Variants in C20orf96 observed in about 807,000 individuals in gnomAD.
C20orf96 encodes chromosome 20 open reading frame 96, also known as uncharacterized protein C20orf96.
Under a neutral mutation model 52.6 loss-of-function variants are expected in C20orf96, and 57 were observed. The ratio of observed to expected loss-of-function variants is 1.08; its 90% CI spans 0.88 to 1.35. C20orf96 has a LOEUF of 1.35. Ranked by LOEUF, C20orf96 falls within the 40% of genes most tolerant of loss-of-function variation. C20orf96 has a pLI of 0.00. For missense variants in C20orf96, 478 were observed against 443.6 expected (o/e 1.08, Z -0.70); for synonymous variants, 168 against 157.2 (o/e 1.07, Z -0.51).
chr20:283,443 A>G (rs902447128), intron 4 of C20orf96, among the ~76,000 whole-genome samples: 1 of 152,174 alleles, frequency 6.6e-6, no homozygotes. Context: ...AGCTGGGACT[A>G]CAGGTGCGTG....
chr20:289,754 A>C, intron 2 of C20orf96, 78 bp from the exon 3 acceptor site: 1 of 1,178,306 alleles, frequency 8.5e-7, no homozygotes, highest in Non-Finnish European at 1.3e-6. Context: ...CTGTGACCCC[A>C]AGCAAGTGAC....
intron 3 of C20orf96, among the ~76,000 whole-genome samples, chr20:284,729 C>A (rs576714191): frequency 3.3e-5 from 5 of 152,210 alleles, no homozygotes; most frequent in Admixed American, 3.3e-4. Context: ...TGATGATGGG[C>A]GCCTGTAATC....
chr20:271,325 C>A, intron 10 of C20orf96, 58 bp from the exon 11 acceptor site: 3 of 1,397,420 alleles, frequency 2.1e-6, no homozygotes, highest in Non-Finnish European at 2.9e-6. Flanking sequence ...GTGGGAGCAC[C>A]CACTCAGAGG....
intron 3 of C20orf96, among the ~76,000 whole-genome samples, chr20:287,224 A>G (rs1045904701): frequency 1.3e-5 from 2 of 152,214 alleles, no homozygotes; most frequent in African/African-American, 4.8e-5. Context: ...TGCATGTTTC[A>G]TGTTGTTAGA....
chr20:278,187 C>T, intron 6 of C20orf96, 143 bp downstream of exon 6: 1 of 715,814 alleles, frequency 1.4e-6, no homozygotes, highest in South Asian at 1.6e-5. Flanking sequence ...GCTATTCGCT[C>T]TGTATCTTAG....
At chr20:281,574 C>T (rs1249934786) in intron 4 of C20orf96, among the ~76,000 whole-genome samples, 1 of 152,250 alleles carries the variant, frequency 6.6e-6, no homozygotes, top group Non-Finnish European at 1.5e-5. Context: ...TGCTGATGTG[C>T]TGAGTGCTTG....
At position 290,584 on chromosome 20, in the gene C20orf96, T is replaced by TTTA. The variant is rs3835237; in HGVS notation, c.20+6_20+7insTAA. 0.15 allele frequency: 191,302 copies of TTTA among 1,308,060 alleles called. 6,561 individuals are homozygous for TTTA. Among genetic ancestry groups the TTTA allele is most frequent in the East Asian group, 0.19 (6,856 of 36,094 alleles). 81.0% of individuals were successfully genotyped at this position (1,308,060 alleles called of 1,614,324 possible). ...TCCAATTTTTTTTTTTTTTTTTTTT[T>TTTA]ACCTACTTTTGTAAGACATGCGCCA... On this transcript the variant is annotated splice_region_variant and intron_variant, in intron 1 of 10. Transcript: ENST00000360321.
Position 289,572 on chromosome 20 carries a change from A to G in C20orf96, c.174T>C (p.Thr58=). 1 of 1,613,368 alleles carries G rather than the reference A, an allele frequency of 6.2e-7. No individual in the cohort carries two copies. The highest frequency in any genetic ancestry group is 8.5e-7 in the Non-Finnish European group (1 of 1,179,434). Residue 58 remains threonine, a synonymous_variant, in exon 3 of 11, where the codon ACT becomes ACC. Transcript: ENST00000360321. ...GCCTCCGCCCACCTGGTTGGACCCT[A>G]GTCAAAGTCTTCATTTTGCTTGTAT... ...SLHTSKMKTL[T]RVQPVFHFKP...
intron 1 of C20orf96, 85 bp downstream of exon 1, chr20:290,506 C>T: frequency 6.4e-7 from 1 of 1,569,176 alleles, no homozygotes; most frequent in Non-Finnish European, 8.6e-7. Context: ...GACCTCGAGG[C>T]GAGGGCGGGA....
chr20:273,747 C>T (rs1211532975), intron 10 of C20orf96, among the ~76,000 whole-genome samples: 1 of 151,840 alleles, frequency 6.6e-6, no homozygotes, highest in African/African-American at 2.4e-5. Context: ...CATGGTGGTG[C>T]ACACCTGTAA....
Position 277,348 on chromosome 20 carries a change from T to A in C20orf96, c.601A>T (p.Ile201Phe), listed in dbSNP as rs2012065986. The change falls in exon 7 of 11, where the codon ATT becomes TTT. Residue 201 changes from isoleucine (I) to phenylalanine (F), a missense_variant. Transcript: ENST00000360321. ...EQQAEQLNAK[I>F]EKTQEEVNFL... ...TTCACTTCCTCCTGGGTCTTCTCAA[T>A]CTTGGCATTCAGCTGCTCTGCCTGC... The A allele has an allele frequency of 6.2e-7, 1 of 1,613,992 alleles. No homozygotes were observed. The highest frequency in any genetic ancestry group is 1.3e-5 in the African/African-American group (1 of 74,928).
intron 5 of C20orf96, 152 bp from the exon 6 acceptor site, chr20:278,581 G>A (rs1031922115): frequency 7.6e-6 from 5 of 659,822 alleles, no homozygotes; most frequent in Non-Finnish European, 1.4e-5. Context: ...CCACCCATAG[G>A]GTTGTTGTAA....
intron 3 of C20orf96, among the ~76,000 whole-genome samples, chr20:284,286 G>A (rs2012327225): frequency 6.6e-6 from 1 of 152,206 alleles, no homozygotes; most frequent in Non-Finnish European, 1.5e-5. Flanking sequence ...ATATGAGGGA[G>A]GGACAAGCCC....
In C20orf96 at chr20:288,202, A is replaced by G. The variant is rs1306639104; in HGVS notation, c.187+1357T>C. On this transcript the variant is annotated intron_variant, in intron 3 of 10. Coordinates refer to ENST00000360321, the MANE Select transcript of C20orf96 (RefSeq NM_153269.3). The stretch of plus-strand genomic sequence containing the variant: ...TTTTTTTTTTTTTTTTTTTTTGCCT[A>G]TGGGTGTCCAATTGCTCCAGCGCCA... Among the ~76,000 whole-genome samples, 6 of 20,430 alleles carry G rather than the reference A, an allele frequency of 2.9e-4. No homozygotes were observed. The East Asian group carries it at 9.6e-3, about 33-fold the overall frequency. 13.4% of individuals were successfully genotyped at this position (20,430 alleles called of 152,430 possible). A position where few individuals can be genotyped will look rare whatever the true frequency, so the allele number is the denominator to read the frequency against.
chr20:279,644 T>G (rs759708384), intron 4 of C20orf96, among the ~76,000 whole-genome samples: 1 of 152,180 alleles, frequency 6.6e-6, no homozygotes, highest in Non-Finnish European at 1.5e-5. Flanking sequence ...TGTGCCTTCA[T>G]ATCAATGGCT....
chr20:278,295 G>A (rs372697680), intron 6 of C20orf96, 35 bp downstream of exon 6: 29 of 1,513,984 alleles, frequency 1.9e-5, no homozygotes, highest in Non-Finnish European at 2.4e-5. Context: ...AAGGTGCCAG[G>A]GGGGAGGGTC....
intron 3 of C20orf96, among the ~76,000 whole-genome samples, chr20:287,834 G>A (rs565901252): frequency 2.0e-5 from 3 of 147,104 alleles, no homozygotes; most frequent in African/African-American, 5.0e-5. Context: ...GCTTGAACCC[G>A]GGAGACAGAG....
At chr20:282,788 C>T (rs2012285393) in intron 4 of C20orf96, among the ~76,000 whole-genome samples, 1 of 152,154 alleles carries the variant, frequency 6.6e-6, no homozygotes, top group African/African-American at 2.4e-5. Context: ...AGGAGACTCA[C>T]TCAAACCTGG....
At chr20:277,005 A>G in intron 8 of C20orf96, 39 bp downstream of exon 8, 2 of 1,600,168 alleles carry the variant, frequency 1.2e-6, no homozygotes, top group Non-Finnish European at 1.7e-6. Flanking sequence ...TGGGGGTGAG[A>G]CCTGGATCCC....
Sources: gnomAD v4.1 joint callset for allele counts (sites outside exome capture counted in the v4.1 genomes callset) on GRCh38, gnomAD v4.1.1 for gene constraint, MANE v1.5 for transcripts, NCBI Gene and HGNC (gene_info 2026-07-23, HGNC 2026-07-21) for gene names.